Variants in INPP4B observed in about 807,000 individuals in gnomAD.
INPP4B encodes inositol polyphosphate-4-phosphatase type II B.
A neutral mutation model predicts 122.5 loss-of-function variants in INPP4B; 55 were observed. That is an observed-to-expected ratio of 0.45 (90% CI 0.36 to 0.56). The LOEUF is 0.56. INPP4B is among the 20% of genes least tolerant of loss of function. The pLI is 0.00. For synonymous variants in INPP4B, 403 were observed against 388.7 expected (o/e 1.04, Z -0.43); for missense variants, 1,000 against 1,097.7 (o/e 0.91, Z 1.26).
chr4:142,634,462 C>A (rs1748663178), intron 2 of INPP4B, among the ~76,000 whole-genome samples: 1 of 151,998 alleles, frequency 6.6e-6, no homozygotes, highest in South Asian at 2.1e-4. Flanking sequence ...AAAATCAAGT[C>A]CAACAACATA....
intron 1 of INPP4B, chr4:142,795,136 T>C (rs1777063922): frequency 6.6e-6 from 1 of 151,912 alleles, no homozygotes; most frequent in Non-Finnish European, 1.5e-5. Flanking sequence ...ATGTTAGACA[T>C]ATAACATTAA....
At chr4:142,822,191 C>T (rs905379668) in intron 1 of INPP4B, among the ~76,000 whole-genome samples, 1 of 152,164 alleles carries the variant, frequency 6.6e-6, no homozygotes, top group Admixed American at 6.6e-5. Context: ...ATCACAAAAA[C>T]CAGTAAAACC....
chr4:142,591,021 GA>G (rs906113745), intron 2 of INPP4B, among the ~76,000 whole-genome samples: 4 of 151,924 alleles, frequency 2.6e-5, no homozygotes, highest in African/African-American at 9.7e-5. Flanking sequence ...AAAAGAAAGA[GA>G]AAAAAACTCA....
Position 142,024,286 on chromosome 4 carries a change from C to T in INPP4B, c.*4496G>A, listed in dbSNP as rs1161769063. On this transcript the variant is annotated 3_prime_UTR_variant, in exon 26 of 26. Transcript: ENST00000262992. ...TATTGGGACTTTATAAGCTAAGAAA[C>T]ATAAATACAGGTGGGAAAAAGCATA... The T allele has an allele frequency of 6.6e-6, 1 of 152,088 alleles. No homozygotes were observed. Among genetic ancestry groups the T allele is most frequent in the Non-Finnish European group, 1.5e-5 (1 of 67,990 alleles). 9.4% of individuals were successfully genotyped at this position (152,088 alleles called of 1,614,324 possible).
chr4:142,819,228 C>T (rs185057179), intron 1 of INPP4B, among the ~76,000 whole-genome samples: 1 of 152,252 alleles, frequency 6.6e-6, no homozygotes, highest in East Asian at 1.9e-4. Flanking sequence ...TAAACAATTT[C>T]CCTTTCAAAG....
At chr4:142,771,879 A>G (rs1013610383) in intron 1 of INPP4B, among the ~76,000 whole-genome samples, 1 of 152,164 alleles carries the variant, frequency 6.6e-6, no homozygotes, top group Non-Finnish European at 1.5e-5. Flanking sequence ...GAGCTAAAAT[A>G]ATGAAGTTAG....
chr4:142,822,782 C>T (rs934238771), intron 1 of INPP4B, among the ~76,000 whole-genome samples: 6 of 152,156 alleles, frequency 3.9e-5, no homozygotes, highest in African/African-American at 1.4e-4. Context: ...ACATTCTCTC[C>T]ATTTTTACAT....
At chr4:142,214,372 G>A (rs1472825964) in intron 12 of INPP4B, among the ~76,000 whole-genome samples, 3 of 152,130 alleles carry the variant, frequency 2.0e-5, no homozygotes, top group Non-Finnish European at 4.4e-5. Flanking sequence ...GTAACCCCAG[G>A]ATTTGTAATA....
intron 14 of INPP4B, among the ~76,000 whole-genome samples, chr4:142,196,358 ATC>A (rs760053834): frequency 1.3e-5 from 2 of 152,122 alleles, no homozygotes; most frequent in Non-Finnish European, 2.9e-5. Context: ...TGATGGGCAC[ATC>A]TGAGTGTCAA....
intron 23 of INPP4B, among the ~76,000 whole-genome samples, chr4:142,087,621 G>C (rs978707576): frequency 6.6e-6 from 1 of 152,168 alleles, no homozygotes; most frequent in Non-Finnish European, 1.5e-5. Flanking sequence ...CTACAACTAC[G>C]TTACCGAGTT....
At chr4:142,260,591 AAAAT>A (rs766855352) in intron 10 of INPP4B, 27 bp from the exon 11 acceptor site, 55 of 1,433,250 alleles carry the variant, frequency 3.8e-5, no homozygotes, top group South Asian at 8.9e-5. Flanking sequence ...AAAAAAAAAA[AAAAT>A]TTTGAGAACA....
At chr4:142,625,602 T>C (rs1373652396) in intron 2 of INPP4B, among the ~76,000 whole-genome samples, 1 of 151,998 alleles carries the variant, frequency 6.6e-6, no homozygotes, top group Non-Finnish European at 1.5e-5. Flanking sequence ...AAGCTACCAA[T>C]GACTTTCTTC....
chr4:142,793,060 G>T (rs1776769503), intron 1 of INPP4B, among the ~76,000 whole-genome samples: 1 of 151,924 alleles, frequency 6.6e-6, no homozygotes, highest in South Asian at 2.1e-4. Context: ...ACCCTCTGAA[G>T]TAAAGAGCAA....
At chr4:142,458,960 C>G (rs1816110298) in intron 3 of INPP4B, among the ~76,000 whole-genome samples, 1 of 152,194 alleles carries the variant, frequency 6.6e-6, no homozygotes, top group Admixed American at 6.5e-5. Context: ...CAGAGCCTGG[C>G]TCCCGACTTT....
intron 7 of INPP4B, among the ~76,000 whole-genome samples, chr4:142,336,266 G>A (rs1472324409): frequency 6.6e-6 from 1 of 152,206 alleles, no homozygotes; most frequent in East Asian, 1.9e-4. Flanking sequence ...GGAACAAAAG[G>A]AGCTGTAATA....
chr4:142,701,191 T>C (rs1172730521), intron 2 of INPP4B, among the ~76,000 whole-genome samples: 1 of 152,040 alleles, frequency 6.6e-6, no homozygotes, highest in African/African-American at 2.4e-5. Context: ...GTGCAGGTGG[T>C]AAACAAGGTA....
At chr4:142,108,071 C>G (rs1788062731) in intron 23 of INPP4B, 22 bp downstream of exon 23, 3 of 1,205,898 alleles carry the variant, frequency 2.5e-6, no homozygotes, top group Non-Finnish European at 3.7e-6. Flanking sequence ...TTATTGCTGT[C>G]TTCTCTAACT....
intron 2 of INPP4B, among the ~76,000 whole-genome samples, chr4:142,553,991 C>G (rs1391269982): frequency 1.3e-5 from 2 of 152,036 alleles, no homozygotes; most frequent in Non-Finnish European, 2.9e-5. Flanking sequence ...GAGATTGAGA[C>G]CAGCCTGGCC....
intron 2 of INPP4B, among the ~76,000 whole-genome samples, chr4:142,517,362 T>C (rs546890521): frequency 6.6e-6 from 1 of 152,208 alleles, no homozygotes; most frequent in South Asian, 2.1e-4. Flanking sequence ...TGAATGACCA[T>C]GCTGAAGCCT....
Sources: allele counts gnomAD v4.1 joint callset (sites outside exome capture counted in the v4.1 genomes callset), GRCh38; gene constraint gnomAD v4.1.1; transcripts MANE v1.5; gene names NCBI Gene and HGNC (gene_info 2026-07-23, HGNC 2026-07-21).